Variants in DBN1 observed in about 807,000 individuals in gnomAD.
The protein encoded by DBN1 is drebrin.
In DBN1, 21 loss-of-function variants were observed where a neutral mutation model predicts 83.5. That is an observed-to-expected ratio of 0.25 (90% CI 0.18 to 0.36). The LOEUF (loss-of-function observed/expected upper bound fraction) is 0.36, where lower values mean the gene tolerates loss of function less well. DBN1 is among the 10% of genes least tolerant of loss of function. The pLI is 1.00. For synonymous variants in DBN1, 381 were observed against 384.9 expected, an observed-to-expected ratio of 0.99 and a Z score of 0.12; for missense variants, 874 against 935.7, an observed-to-expected ratio of 0.93 and a Z score of 0.86.
intron 11 of DBN1, 22 bp from the exon 12 acceptor site, chr5:177,459,290 GGTCA>G: frequency 6.3e-7 from 1 of 1,599,564 alleles, no homozygotes. Flanking sequence ...ACCCCAGGTG[GGTCA>G]GTGAGGGCGG....
At chr5:177,459,403 G>A in intron 11 of DBN1, 135 bp from the exon 12 acceptor site, 2 of 1,437,742 alleles carry the variant, frequency 1.4e-6, no homozygotes, top group South Asian at 1.4e-5. Context: ...CCCACCAGGG[G>A]CCAGACTACA....
intron 8 of DBN1, 72 bp from the exon 9 acceptor site, chr5:177,460,775 TTTTA>T: frequency 6.8e-7 from 1 of 1,466,834 alleles, no homozygotes; most frequent in Non-Finnish European, 9.3e-7. Context: ...TTTTACTGTA[TTTTA>T]TTTATTGATT....
At chr5:177,462,019 A>G (rs984379379) in intron 8 of DBN1, among the ~76,000 whole-genome samples, 6 of 152,150 alleles carry the variant, frequency 3.9e-5, no homozygotes, top group African/African-American at 1.4e-4. Context: ...AGCAGCCATC[A>G]CCGGGGCCTC....
At chr5:177,472,049 TGG>T (rs1320655073) in intron 1 of DBN1, 2 of 1,518,792 alleles carry the variant, frequency 1.3e-6, no homozygotes, top group African/African-American at 2.8e-5. Context: ...TCAGCCCCCC[TGG>T]GGCAGGGCTG....
rs1757451386 is a variant in DBN1 at position 177,466,527 on chromosome 5, A to G, written c.771+245T>C. On this transcript the variant is annotated intron_variant, in intron 8 of 14. Coordinates refer to ENST00000393565, the MANE Select transcript of DBN1 (RefSeq NM_001363541.2). This position sits in a 1 kb window ranked among gnomAD's most constrained non-coding sequence, Gnocchi z 4.8. ...GCCTGGTCAGTGAGGGTCTGGGTCT[A>G]GATGGAGTTTCTCTTCCAATCTAGA... Among the ~76,000 whole-genome samples, 1 of 152,236 alleles carries G rather than the reference A, an allele frequency of 6.6e-6. No individual in the cohort carries two copies. The highest frequency in any genetic ancestry group is 1.5e-5 in the Non-Finnish European group (1 of 68,044).
At position 177,457,398 on chromosome 5, in the gene DBN1, G is replaced by T. The variant is rs780139643; in HGVS notation, c.*35C>A. ...GGCCAGAGGCTGATGCAGGTGGGCGGCCTTGGCAAGGGTAGCCTAGGGCTG... is the reference window on the plus strand; with the variant it reads ...GGCCAGAGGCTGATGCAGGTGGGCGTCCTTGGCAAGGGTAGCCTAGGGCTG... On this transcript the variant is annotated 3_prime_UTR_variant, in exon 15 of 15. Coordinates refer to ENST00000393565, the MANE Select transcript of DBN1 (RefSeq NM_001363541.2). 7 of 1,590,620 alleles carry T rather than the reference G, an allele frequency of 4.4e-6. No individual in the cohort carries two copies. Among genetic ancestry groups the T allele is most frequent in the Non-Finnish European group, 6.0e-6 (7 of 1,158,956 alleles).
intron 1 of DBN1, among the ~76,000 whole-genome samples, chr5:177,470,779 C>T (rs1279783504): frequency 6.6e-6 from 1 of 152,224 alleles, no homozygotes; most frequent in African/African-American, 2.4e-5. Flanking sequence ...CCACCATATC[C>T]CAGCAGGAAT....
At chr5:177,459,068 G>C (rs773055413) in intron 12 of DBN1, 30 bp downstream of exon 12, 2 of 1,573,434 alleles carry the variant, frequency 1.3e-6, no homozygotes, top group African/African-American at 2.7e-5. Context: ...GATGATGGGA[G>C]GCCTGGTGCA....
At chr5:177,463,479 C>G (rs896149527) in intron 8 of DBN1, among the ~76,000 whole-genome samples, 2 of 152,216 alleles carry the variant, frequency 1.3e-5, no homozygotes, top group Admixed American at 1.3e-4. Context: ...CGGGAGCTCC[C>G]CTGCAGGCCA....
chr5:177,459,850 G>A (rs1360034912), intron 10 of DBN1, 110 bp from the exon 11 acceptor site: 2 of 1,241,668 alleles, frequency 1.6e-6, no homozygotes, highest in Non-Finnish European at 2.1e-6. Flanking sequence ...GGATGTCCAA[G>A]CTGCCTTCAG....
chr5:177,463,480 C>T (rs1053107587), intron 8 of DBN1, among the ~76,000 whole-genome samples: 3 of 152,244 alleles, frequency 2.0e-5, no homozygotes, highest in African/African-American at 7.2e-5. Context: ...GGGAGCTCCC[C>T]TGCAGGCCAG....
At position 177,458,518 on chromosome 5, in the gene DBN1, G is replaced by C; in HGVS notation, c.1454C>G (p.Ala485Gly). 1 of 1,614,146 alleles carries C rather than the reference G, an allele frequency of 6.2e-7. No individual in the cohort carries two copies. Among genetic ancestry groups the C allele is most frequent in the Non-Finnish European group, 8.5e-7 (1 of 1,179,992 alleles). ...QAVLAAPVEP[A>G]TADATEIHDA... is the part of the protein sequence containing the mutation. ...GTGGATCTCCGTGGCGTCAGCTGTG[G>C]CAGGCTCCACGGGAGCAGCCAGGAC... The change falls in exon 13 of 15, where the codon GCC becomes GGC. Residue 485 changes from alanine (A) to glycine (G), a missense_variant. By Grantham distance (60) the Ala-to-Gly change is moderately conservative (BLOSUM62 0). Transcript: ENST00000393565.
intron 1 of DBN1, chr5:177,472,696 G>T: frequency 1.4e-6 from 1 of 720,208 alleles, no homozygotes; most frequent in South Asian, 4.1e-5. Context: ...GATCTCAGCT[G>T]GCCCCTTAGG....
In DBN1 at chr5:177,459,682, AGAG is replaced by A. The variant is rs749071466; in HGVS notation, c.1011_1013del (p.Ser342del). On this transcript the variant is annotated inframe_deletion, in exon 11 of 15. Transcript: ENST00000393565. Reference sequence around the variant, plus strand: ...GAGTCCGTGGAGGGGAGGAGGAGGAAGAGGAGGAGGAGGAAGGCCCACTGTCCG... The same window carrying A: ...GAGTCCGTGGAGGGGAGGAGGAGGAAGAGGAGGAGGAAGGCCCACTGTCCG... The A allele has an allele frequency of 5.7e-5, 90 of 1,590,594 alleles. No individual in the cohort carries two copies. The highest frequency in any genetic ancestry group is 1.7e-4 in the South Asian group (15 of 87,730).
At chr5:177,468,956 G>T in intron 1 of DBN1, 57 bp from the exon 2 acceptor site, 1 of 1,158,458 alleles carries the variant, frequency 8.6e-7, no homozygotes, top group Non-Finnish European at 1.1e-6. Context: ...CCAATTCTGG[G>T]TGGGGACGGC....
intron 1 of DBN1, among the ~76,000 whole-genome samples, chr5:177,470,492 C>T (rs1193503259): frequency 6.6e-6 from 1 of 152,184 alleles, no homozygotes; most frequent in Non-Finnish European, 1.5e-5. Context: ...GCAGCTCTCC[C>T]CCAGCAGAAA....
At chr5:177,461,908 T>G (rs905870198) in intron 8 of DBN1, among the ~76,000 whole-genome samples, 1 of 152,206 alleles carries the variant, frequency 6.6e-6, no homozygotes, top group African/African-American at 2.4e-5. Flanking sequence ...ACCATGTTCA[T>G]TAGTTACCAC....
At chr5:177,458,820 C>T (rs1756775551) in intron 12 of DBN1, 113 bp from the exon 13 acceptor site, 2 of 1,167,858 alleles carry the variant, frequency 1.7e-6, no homozygotes, top group South Asian at 3.3e-5. Context: ...AGGTGTCCCA[C>T]TGCCCCCTTA....
Position 177,467,863 on chromosome 5 carries a change from GC to G in DBN1, c.256-47del, listed in dbSNP as rs1040307010. 1.9e-6 allele frequency: 3 copies of G among 1,579,462 alleles called. No individual in the cohort carries two copies. The highest frequency in any genetic ancestry group is 2.6e-6 in the Non-Finnish European group (3 of 1,159,552). ...AGGGGGTCAGGAAAGGACAAGGGGG[GC>G]CCTACACGATAGGGTGCATCTTCCC... is the stretch of plus-strand genomic sequence containing the variant. On this transcript the variant is annotated intron_variant, in intron 3 of 14. Coordinates refer to ENST00000393565, the MANE Select transcript of DBN1 (RefSeq NM_001363541.2). This position sits in a 1 kb window ranked among gnomAD's most constrained non-coding sequence, Gnocchi z 9.1.
Sources: allele counts gnomAD v4.1 joint callset (sites outside exome capture counted in the v4.1 genomes callset), GRCh38; gene constraint gnomAD v4.1.1; non-coding constraint Gnocchi (gnomAD v3.1); transcripts MANE v1.5; gene names NCBI Gene and HGNC (gene_info 2026-07-23, HGNC 2026-07-21).